UTP20: variants seen among roughly 807,000 people sequenced by gnomAD.
UTP20 encodes small subunit processome component 20 homolog.
Under a neutral mutation model 329.5 loss-of-function variants are expected in UTP20, and 164 were observed. The ratio of observed to expected loss-of-function variants is 0.50; its 90% CI spans 0.44 to 0.57. UTP20 has a LOEUF of 0.57. Ranked by LOEUF, UTP20 falls within the 20% of genes least tolerant of loss-of-function variation. The pLI is 0.00. For missense variants in UTP20, 3,055 were observed against 3,284.2 expected (o/e 0.93, Z 1.71); for synonymous variants, 1,151 against 1,159.3 (o/e 0.99, Z 0.14).
At chr12:101,329,974 A>C (rs534799954) in intron 27 of UTP20, among the ~76,000 whole-genome samples, 1 of 151,914 alleles carries the variant, frequency 6.6e-6, no homozygotes, top group South Asian at 2.1e-4. Flanking sequence ...CAGCATGGGC[A>C]ACAGAGTGAG....
intron 43 of UTP20, 87 bp from the exon 44 acceptor site, chr12:101,361,875 T>G (rs1869933193): frequency 4.1e-6 from 4 of 987,068 alleles, no homozygotes; most frequent in Non-Finnish European, 6.4e-6. Context: ...AAACTCTGAG[T>G]GTTCTCTTTG....
At chr12:101,312,813 T>TA (rs1252248490) in intron 21 of UTP20, among the ~76,000 whole-genome samples, 3 of 152,222 alleles carry the variant, frequency 2.0e-5, no homozygotes, top group African/African-American at 7.2e-5. Context: ...CTCTATCAGA[T>TA]AACAACTAAA....
intron 38 of UTP20, among the ~76,000 whole-genome samples, chr12:101,350,269 C>T (rs1358415312): frequency 6.6e-6 from 1 of 152,070 alleles, no homozygotes; most frequent in Non-Finnish European, 1.5e-5. Context: ...TGGACTCAAA[C>T]GATCCTCCTA....
chr12:101,362,077 C>T lies in UTP20; in HGVS notation c.5790+17C>T, dbSNP rs201020469. ...ATGATTGAGGTAAGACTTACAGAAACGAATTCTAATTTTTTTTTAAGTGGG... is the reference window on the plus strand; with the variant it reads ...ATGATTGAGGTAAGACTTACAGAAATGAATTCTAATTTTTTTTTAAGTGGG... On this transcript the variant is annotated intron_variant, in intron 44 of 61. Coordinates refer to ENST00000261637, the MANE Select transcript of UTP20 (RefSeq NM_014503.3). The T allele has an allele frequency of 1.4e-5, 23 of 1,591,460 alleles. No individual in the cohort carries two copies. Among genetic ancestry groups the T allele is most frequent in the Admixed American group, 5.2e-5 (3 of 57,718 alleles).
chr12:101,338,288 T>C lies in UTP20; in HGVS notation c.3868+11T>C. ...CAGAAAACATCGGTGGTATGTATGC[T>C]GACAAAGCAGATAATTCTTAGACTT... On this transcript the variant is annotated intron_variant, in intron 30 of 61. Coordinates refer to ENST00000261637, the MANE Select transcript of UTP20 (RefSeq NM_014503.3). The C allele has an allele frequency of 1.2e-6, 2 of 1,611,756 alleles. No homozygotes were observed. Among genetic ancestry groups the C allele is most frequent in the Non-Finnish European group, 1.7e-6 (2 of 1,177,866 alleles).
At position 101,287,426 on chromosome 12, in the gene UTP20, T is replaced by A. The variant is rs555525894; in HGVS notation, c.515+917T>A. Among the ~76,000 whole-genome samples the A allele has an allele frequency of 7.3e-4, 112 of 152,386 alleles. 2 individuals are homozygous for A. The South Asian group carries it at 0.019, about 25-fold the overall frequency. ...CTTCAGCTGTCATAAAAGCTGCCAC[T>A]TTTATGTCTCCTAAGTCAGGCTCTT... On this transcript the variant is annotated intron_variant, in intron 5 of 61. Coordinates refer to ENST00000261637, the MANE Select transcript of UTP20 (RefSeq NM_014503.3).
rs1232902128 is a variant in UTP20 at position 101,285,776 on chromosome 12, A to G, written c.221A>G (p.Lys74Arg). ...FGKFYKEVID[K>R]CQSFNQLVYH... ...AAATTTTACAAAGAAGTTATTGACAAATGCCAATCATTCAATCAGTTGGTG... is the reference window on the plus strand; with the variant it reads ...AAATTTTACAAAGAAGTTATTGACAGATGCCAATCATTCAATCAGTTGGTG... The change falls in exon 4 of 62, where the codon AAA becomes AGA. Residue 74 changes from lysine (K) to arginine (R), a missense_variant. Physicochemically the swap from Lys to Arg is conservative, Grantham distance 26. This residue lies in a region of UTP20 where 2,445 missense variants were observed against 2,575.5 expected (regional missense o/e 0.95). Coordinates refer to ENST00000261637, the MANE Select transcript of UTP20 (RefSeq NM_014503.3). The G allele has an allele frequency of 6.2e-7, 1 of 1,613,610 alleles. No homozygotes were observed. The highest frequency in any genetic ancestry group is 2.2e-5 in the East Asian group (1 of 44,834).
intron 34 of UTP20, 25 bp from the exon 35 acceptor site, chr12:101,342,916 A>T (rs1488806963): frequency 1.9e-6 from 3 of 1,609,528 alleles, no homozygotes; most frequent in African/African-American, 1.3e-5. Flanking sequence ...CTTCTTTTAT[A>T]TAACTTCAAT....
chr12:101,360,074 T>G (rs1048361984), intron 43 of UTP20, among the ~76,000 whole-genome samples: 1 of 152,366 alleles, frequency 6.6e-6, no homozygotes, highest in African/African-American at 2.4e-5. Flanking sequence ...TAGCCCTTTT[T>G]TTCTCTAACC....
chr12:101,377,673 A>T (rs1870519926), intron 56 of UTP20, among the ~76,000 whole-genome samples: 1 of 151,964 alleles, frequency 6.6e-6, no homozygotes, highest in African/African-American at 2.4e-5. Flanking sequence ...CGGAGGGGAG[A>T]TACAGCAGGG....
chr12:101,327,093 G>A lies in UTP20; in HGVS notation c.3054G>A (p.Gly1018=). 1 of 1,602,858 alleles carries A rather than the reference G, an allele frequency of 6.2e-7. No homozygotes were observed. The highest frequency in any genetic ancestry group is 8.5e-7 in the Non-Finnish European group (1 of 1,171,060). Residue 1018 remains glycine, a synonymous_variant, in exon 26 of 62, where the codon GGG becomes GGA. Transcript: ENST00000261637. ...TTTGCCTTTTCAGAATTTTGTATGGGCGAATGAAGAATAAGACTGGGAGTA... is the reference window on the plus strand; with the variant it reads ...TTTGCCTTTTCAGAATTTTGTATGGACGAATGAAGAATAAGACTGGGAGTA... ...LFPILMRILY[G]RMKNKTGSKT... is the part of the protein sequence containing the mutation.
intron 27 of UTP20, among the ~76,000 whole-genome samples, chr12:101,329,904 A>G (rs934830722): frequency 6.6e-6 from 1 of 151,742 alleles, no homozygotes; most frequent in Admixed American, 6.6e-5. Flanking sequence ...CTAAAGTGAG[A>G]GGATCACTTG....
Position 101,280,145 on chromosome 12 carries a change from G to A in UTP20, c.-138G>A, listed in dbSNP as rs1871743414. On this transcript the variant is annotated 5_prime_UTR_variant, in exon 1 of 62. Transcript: ENST00000261637. ...TGTCTCCAACATGGCGGCGCCCAGG[G>A]GCTCAAGCCGCACGTGAGAAAGTCT... 1 of 1,152,348 alleles carries A rather than the reference G, an allele frequency of 8.7e-7. No individual in the cohort carries two copies. Among genetic ancestry groups the A allele is most frequent in the Non-Finnish European group, 1.2e-6 (1 of 820,224 alleles). 71.4% of individuals were successfully genotyped at this position (1,152,348 alleles called of 1,614,324 possible).
intron 5 of UTP20, among the ~76,000 whole-genome samples, chr12:101,288,027 T>G (rs1872015853): frequency 6.6e-6 from 1 of 152,224 alleles, no homozygotes; most frequent in Admixed American, 6.5e-5. Flanking sequence ...TGGGCACTCC[T>G]GAAATGTCTA....
At chr12:101,281,263 A>G in intron 2 of UTP20, 67 bp downstream of exon 2, 1 of 1,395,554 alleles carries the variant, frequency 7.2e-7, no homozygotes, top group Non-Finnish European at 1.0e-6. Flanking sequence ...TGTTAGTAGA[A>G]GTGAATTGTT....
chr12:101,373,571 CTCTTT>C lies in UTP20; in HGVS notation c.6949-7_6949-3del. The C allele has an allele frequency of 6.2e-7, 1 of 1,610,536 alleles. No individual in the cohort carries two copies. The highest frequency in any genetic ancestry group is 8.5e-7 in the Non-Finnish European group (1 of 1,177,918). ...TTCCACTCTGAGTGCTCACACGTGC[CTCTTT>C]TCTTTTAGGGGCTGCTCCATGAGAA... On this transcript the variant is annotated splice_polypyrimidine_tract_variant and intron_variant, in intron 53 of 61. Coordinates refer to ENST00000261637, the MANE Select transcript of UTP20 (RefSeq NM_014503.3).
intron 38 of UTP20, among the ~76,000 whole-genome samples, chr12:101,348,039 G>T (rs1158811961): frequency 6.6e-6 from 1 of 152,158 alleles, no homozygotes; most frequent in East Asian, 1.9e-4. Flanking sequence ...ATATTCTCCA[G>T]GCTGGTCTCT....
chr12:101,324,160 T>A (rs200460342), intron 25 of UTP20, among the ~76,000 whole-genome samples: 29,019 of 147,810 alleles, frequency 0.2, 3,193 homozygotes, highest in East Asian at 0.37. Flanking sequence ...AATAAATAAA[T>A]AAATAATAAT....
intron 47 of UTP20, 27 bp from the exon 48 acceptor site, chr12:101,367,833 G>A: frequency 6.6e-7 from 1 of 1,507,764 alleles, no homozygotes. Flanking sequence ...GGCAACTAAT[G>A]TGAAATACCT....
Sources: gnomAD v4.1 joint callset for allele counts (sites outside exome capture counted in the v4.1 genomes callset) on GRCh38, gnomAD v4.1.1 for gene constraint, gnomAD v4.1.1 regional missense constraint, MANE v1.5 for transcripts, NCBI Gene and HGNC (gene_info 2026-07-23, HGNC 2026-07-21) for gene names.